The following FKTN variants were observed in gnomAD, a reference collection of about 807,000 sequenced individuals.
FKTN encodes the protein fukutin.
FKTN carries 47 observed loss-of-function variants against 58.6 expected under a neutral mutation model. The ratio of observed to expected loss-of-function variants is 0.80; its 90% CI spans 0.63 to 1.02. The LOEUF is 1.02. FKTN is among the 50% of genes least tolerant of loss of function. The pLI is 0.00. For synonymous variants in FKTN, 178 were observed against 191.9 expected, an observed-to-expected ratio of 0.93 and a Z score of 0.60; for missense variants, 516 against 537.3, an observed-to-expected ratio of 0.96 and a Z score of 0.39.
At chr9:105,568,852 T>C (rs531852774) in intron 1 of FKTN, among the ~76,000 whole-genome samples, 3 of 152,240 alleles carry the variant, frequency 2.0e-5, no homozygotes, top group East Asian at 1.9e-4. Context: ...ATGTTTATTG[T>C]GGCACTATTC....
rs1161483216 is a variant in FKTN at position 105,601,428 on chromosome 9, A to G, written c.369+80A>G. ...GGTTTAGGCTAGTTTAAAATGTAAA[A>G]CATTAAAAATTTTTCCTGAAACACT... On this transcript the variant is annotated intron_variant, in intron 5 of 10. Transcript: ENST00000357998. The G allele has an allele frequency of 2.9e-6, 3 of 1,052,578 alleles. No homozygotes were observed. The African/African-American group carries it at 4.8e-5, about 17-fold the overall frequency. 65.2% of individuals were successfully genotyped at this position (1,052,578 alleles called of 1,614,324 possible).
chr9:105,630,246 A>G (rs1036828818), intron 10 of FKTN, among the ~76,000 whole-genome samples: 2 of 152,228 alleles, frequency 1.3e-5, no homozygotes, highest in Non-Finnish European at 2.9e-5. Context: ...GCTTTAGTTT[A>G]TACTCAGCTG....
At chr9:105,581,707 T>C (rs1842950898) in intron 3 of FKTN, among the ~76,000 whole-genome samples, 1 of 152,200 alleles carries the variant, frequency 6.6e-6, no homozygotes, top group African/African-American at 2.4e-5. Flanking sequence ...AGTTCGAGCT[T>C]CCCGGCTGCT....
At chr9:105,563,638 TAAAC>T (rs1250838536) in intron 1 of FKTN, among the ~76,000 whole-genome samples, 1 of 151,364 alleles carries the variant, frequency 6.6e-6, no homozygotes, top group Non-Finnish European at 1.5e-5. Context: ...CTTGAGTAGA[TAAAC>T]AGAGGGGCCG....
rs748663594 is a variant in FKTN, at chr9:105,596,580, C to T, written c.106-18C>T. 6 of 1,600,846 alleles carry T rather than the reference C, an allele frequency of 3.7e-6. No homozygotes were observed. The highest frequency in any genetic ancestry group is 1.7e-5 in the Admixed American group (1 of 59,944). On this transcript the variant is annotated intron_variant, in intron 3 of 10. Coordinates refer to ENST00000357998, the MANE Select transcript of FKTN (RefSeq NM_001079802.2). The stretch of plus-strand genomic sequence containing the variant: ...TGGACTTTGAATTTACTAAAAAGTT[C>T]TTTTGTTGTCTTCCTAGAATGGAGC...
intron 3 of FKTN, among the ~76,000 whole-genome samples, chr9:105,575,930 G>C (rs980152610): frequency 6.6e-6 from 1 of 152,106 alleles, no homozygotes; most frequent in Non-Finnish European, 1.5e-5. Flanking sequence ...TGAATAGGCT[G>C]TTGTGATTTG....
chr9:105,637,294 C>T lies in FKTN; in HGVS notation c.*2030C>T. Reference sequence around the variant, plus strand: ...ATCCCTTTTCAGATTAATCTTTTATCCTTTCCTGAAGTACAAAGTCTTAAG... The same window carrying T: ...ATCCCTTTTCAGATTAATCTTTTATTCTTTCCTGAAGTACAAAGTCTTAAG... On this transcript the variant is annotated 3_prime_UTR_variant, in exon 11 of 11. Transcript: ENST00000357998. The T allele has an allele frequency of 1.0e-6, 1 of 984,910 alleles. No homozygotes were observed. Among genetic ancestry groups the T allele is most frequent in the Non-Finnish European group, 1.2e-6 (1 of 829,460 alleles). 61.0% of individuals were successfully genotyped at this position (984,910 alleles called of 1,614,324 possible). A position where few individuals can be genotyped will look rare whatever the true frequency, so the allele number is the denominator to read the frequency against.
At chr9:105,568,592 C>T (rs1031145207) in intron 1 of FKTN, among the ~76,000 whole-genome samples, 21 of 152,164 alleles carry the variant, frequency 1.4e-4, no homozygotes, top group Non-Finnish European at 2.6e-4. Flanking sequence ...TGATAAGATA[C>T]CATCTCACAC....
chr9:105,624,864 G>A (rs1335747344), intron 10 of FKTN, among the ~76,000 whole-genome samples: 1 of 152,094 alleles, frequency 6.6e-6, no homozygotes, highest in East Asian at 1.9e-4. Context: ...AGTGAGCCCA[G>A]GAATTAGAAG....
At chr9:105,616,145 C>A (rs115797565) in intron 8 of FKTN, among the ~76,000 whole-genome samples, 1,860 of 152,300 alleles carry the variant, frequency 0.012, 53 homozygotes, top group African/African-American at 0.043. Flanking sequence ...ATCTTCAGAT[C>A]GTGGTTGTCC....
At chr9:105,581,238 G>A (rs1050161004) in intron 3 of FKTN, among the ~76,000 whole-genome samples, 4 of 149,144 alleles carry the variant, frequency 2.7e-5, no homozygotes, top group Non-Finnish European at 5.9e-5. Flanking sequence ...AGGAGGAGAG[G>A]CGCTCTGCGT....
Position 105,606,054 on chromosome 9 carries a change from A to G in FKTN, c.647+1562A>G, listed in dbSNP as rs554726828. Among the ~76,000 whole-genome samples the G allele has an allele frequency of 3.3e-5, 5 of 152,248 alleles. No homozygotes were observed. In the South Asian group the frequency reaches 8.3e-4, roughly 25 times the overall value. ...CAAAAATTGAAAATACAAAAGTGAA[A>G]GTAAATTCTATTATTACTTTTATAA... On this transcript the variant is annotated intron_variant, in intron 6 of 10. Coordinates refer to ENST00000357998, the MANE Select transcript of FKTN (RefSeq NM_001079802.2).
At chr9:105,617,831 G>C (rs1831095511) in intron 8 of FKTN, 128 bp from the exon 9 acceptor site, 15 of 639,970 alleles carry the variant, frequency 2.3e-5, no homozygotes, top group Non-Finnish European at 3.8e-5. Flanking sequence ...GTACAGCCTG[G>C]GCAATATAGT....
chr9:105,560,962 C>T (rs1838184768), intron 1 of FKTN, among the ~76,000 whole-genome samples: 1 of 152,130 alleles, frequency 6.6e-6, no homozygotes, highest in South Asian at 2.1e-4. Flanking sequence ...TGGCACATGC[C>T]TGTAGTCCCA....
Position 105,611,223 on chromosome 9 carries a change from C to T in FKTN, c.780+3272C>T, listed in dbSNP as rs117643164. ...CGATTCTTCTTGGGCTTTGTGTCCC[C>T]GTTCATTGGCTGAACAGGAAAAATT... On this transcript the variant is annotated intron_variant, in intron 7 of 10. Coordinates refer to ENST00000357998, the MANE Select transcript of FKTN (RefSeq NM_001079802.2). Among the ~76,000 whole-genome samples the T allele has an allele frequency of 5.5e-4, 83 of 152,204 alleles. 1 individual carries two copies. The East Asian group carries it at 0.012, about 22-fold the overall frequency.
At chr9:105,599,813 T>C (rs2132673352) in intron 4 of FKTN, among the ~76,000 whole-genome samples, 1 of 152,318 alleles carries the variant, frequency 6.6e-6, no homozygotes, top group African/African-American at 2.4e-5. Context: ...AGTATGGCAC[T>C]GGCCTCTTAA....
intron 5 of FKTN, 113 bp downstream of exon 5, chr9:105,601,461 T>C (rs1827861718): frequency 1.4e-6 from 1 of 708,484 alleles, no homozygotes; most frequent in African/African-American, 1.8e-5. Flanking sequence ...ACTTTATAAA[T>C]TGTATCAGGA....
chr9:105,611,523 C>G (rs1298551154), intron 7 of FKTN, among the ~76,000 whole-genome samples: 1 of 151,942 alleles, frequency 6.6e-6, no homozygotes, highest in Non-Finnish European at 1.5e-5. Flanking sequence ...CCAAAAGAAC[C>G]CATTGTGTGT....
intron 1 of FKTN, among the ~76,000 whole-genome samples, chr9:105,568,055 T>C (rs1169179814): frequency 6.6e-6 from 1 of 152,168 alleles, no homozygotes; most frequent in Non-Finnish European, 1.5e-5. Flanking sequence ...GATTCCCTAT[T>C]TAACAAATGG....
Sources: gnomAD v4.1 joint callset for allele counts (sites outside exome capture counted in the v4.1 genomes callset) on GRCh38, gnomAD v4.1.1 for gene constraint, MANE v1.5 for transcripts, NCBI Gene and HGNC (gene_info 2026-07-23, HGNC 2026-07-21) for gene names.